The following CFTR variants were observed in gnomAD, a reference collection of about 807,000 sequenced individuals.
CFTR encodes cystic fibrosis transmembrane conductance regulator.
A neutral mutation model predicts 171.6 loss-of-function variants in CFTR; 181 were observed. That is an observed-to-expected ratio of 1.05 (90% confidence interval 0.93 to 1.19). The LOEUF (loss-of-function observed/expected upper bound fraction) is 1.19, where lower values mean the gene tolerates loss of function less well. CFTR is among the 50% of genes most tolerant of loss of function. The pLI is 0.00. For synonymous variants in CFTR, 583 were observed against 608.0 expected (o/e 0.96, Z 0.60); for missense variants, 1,968 against 1,734.7 (o/e 1.13, Z -2.39).
intron 11 of CFTR, among the ~76,000 whole-genome samples, chr7:117,570,936 A>G (rs1212507766): frequency 2.0e-5 from 3 of 152,214 alleles, no homozygotes; most frequent in Non-Finnish European, 4.4e-5. Flanking sequence ...AGCTACCATA[A>G]TCCTAAGTAA....
Position 117,611,749 on chromosome 7 carries a change from T to C in CFTR, c.3308T>C (p.Ile1103Thr), listed in dbSNP as rs1161781532. Residue 1103 changes from isoleucine (I) to threonine (T), a missense_variant, in exon 20 of 27, where the codon ATA (isoleucine) becomes ACA (threonine). Physicochemically the swap from Ile to Thr is moderately conservative, Grantham distance 89. Transcript: ENST00000003084. ...LSTLRWFQMR[I>T]EMIFVIFFIA... ...ACACTGCGCTGGTTCCAAATGAGAATAGAAATGATTTTTGTCATCTTCTTC... is the reference window on the plus strand; with the variant it reads ...ACACTGCGCTGGTTCCAAATGAGAACAGAAATGATTTTTGTCATCTTCTTC... 5 of 1,613,434 alleles carry C rather than the reference T, an allele frequency of 3.1e-6. No homozygotes were observed. Among genetic ancestry groups the C allele is most frequent in the East Asian group, 2.2e-5 (1 of 44,858 alleles).
chr7:117,574,095 G>C (rs533270392), intron 11 of CFTR, among the ~76,000 whole-genome samples: 32 of 152,062 alleles, frequency 2.1e-4, no homozygotes, highest in African/African-American at 7.2e-4. Context: ...TACTGTGAAG[G>C]CTGGAAAACC....
intron 14 of CFTR, 134 bp downstream of exon 14, chr7:117,592,791 A>G: frequency 1.4e-6 from 1 of 695,910 alleles, no homozygotes; most frequent in African/African-American, 1.9e-5. Context: ...GAAAGTATGA[A>G]GTTCATTAAT....
chr7:117,534,332 TCTC>T lies in CFTR; in HGVS notation c.549_551del (p.Leu184del). On this transcript the variant is annotated inframe_deletion, in exon 5 of 27. Coordinates refer to ENST00000003084, the MANE Select transcript of CFTR (RefSeq NM_000492.4). ...AAATAAGTATTGGACAACTTGTTAG[TCTC>T]CTTTCCAACAACCTGAACAAATTTG... 6.2e-7 allele frequency: 1 copy of T among 1,603,360 alleles called. No individual in the cohort carries two copies. The highest frequency in any genetic ancestry group is 8.5e-7 in the Non-Finnish European group (1 of 1,170,648).
At chr7:117,558,198 T>C (rs1049196245) in intron 10 of CFTR, among the ~76,000 whole-genome samples, 1 of 152,144 alleles carries the variant, frequency 6.6e-6, no homozygotes. Flanking sequence ...TGTGTGTATA[T>C]GTGTGTATTA....
intron 11 of CFTR, among the ~76,000 whole-genome samples, chr7:117,578,102 C>A (rs1354889152): frequency 6.6e-6 from 1 of 151,822 alleles, no homozygotes; most frequent in Non-Finnish European, 1.5e-5. Flanking sequence ...CATGTATATT[C>A]AATTGTATAT....
At chr7:117,542,708 C>T (rs1312498407) in intron 9 of CFTR, among the ~76,000 whole-genome samples, 1 of 152,140 alleles carries the variant, frequency 6.6e-6, no homozygotes, top group Non-Finnish European at 1.5e-5. Flanking sequence ...AATCCTGGCT[C>T]TGCCATTTAC....
At chr7:117,551,021 A>G (rs1418337756) in intron 10 of CFTR, among the ~76,000 whole-genome samples, 7 of 152,232 alleles carry the variant, frequency 4.6e-5, no homozygotes, top group South Asian at 4.1e-4. Flanking sequence ...CCCACTCAAT[A>G]CAATTTGGTA....
chr7:117,645,703 C>G (rs1792987532), intron 23 of CFTR, among the ~76,000 whole-genome samples: 1 of 152,078 alleles, frequency 6.6e-6, no homozygotes, highest in Admixed American at 6.6e-5. Context: ...CAACATTCCA[C>G]CCCCACATTC....
intron 23 of CFTR, among the ~76,000 whole-genome samples, chr7:117,652,449 C>G (rs1254073982): frequency 6.6e-6 from 1 of 152,124 alleles, no homozygotes; most frequent in African/African-American, 2.4e-5. Context: ...GGAATTTGTT[C>G]TAACAGGTTA....
chr7:117,495,730 A>G lies in CFTR; in HGVS notation c.54-8523A>G, dbSNP rs566060224. Among the ~76,000 whole-genome samples, 4 of 152,262 alleles carry G rather than the reference A, an allele frequency of 2.6e-5. No individual in the cohort carries two copies. In the East Asian group the frequency reaches 7.7e-4, roughly 29 times the overall value. On this transcript the variant is annotated intron_variant, in intron 1 of 26. Coordinates refer to ENST00000003084, the MANE Select transcript of CFTR (RefSeq NM_000492.4). ...ACCCAGCCATTGACATATTTGAAAG[A>G]CTTTAGTGTATCAAAGTCACTATAA...
intron 3 of CFTR, among the ~76,000 whole-genome samples, 193 bp downstream of exon 3, chr7:117,509,335 C>T (rs1415713687): frequency 2.0e-5 from 3 of 152,120 alleles, no homozygotes; most frequent in South Asian, 4.1e-4. Flanking sequence ...TCCTGGAACA[C>T]GGGTGGCAAT....
chr7:117,609,442 G>GT (rs1044730529), intron 18 of CFTR, among the ~76,000 whole-genome samples: 2 of 151,848 alleles, frequency 1.3e-5, no homozygotes, highest in Non-Finnish European at 2.9e-5. Context: ...TTATAAAGTG[G>GT]TTTTTTTTAA....
intron 15 of CFTR, among the ~76,000 whole-genome samples, chr7:117,599,434 C>T (rs1351084856): frequency 2.6e-5 from 4 of 151,970 alleles, no homozygotes; most frequent in South Asian, 2.1e-4. Flanking sequence ...CTCACTAAAC[C>T]AAGAAAACAG....
chr7:117,613,704 A>G (rs989714468), intron 20 of CFTR, among the ~76,000 whole-genome samples: 2 of 152,138 alleles, frequency 1.3e-5, no homozygotes, highest in African/African-American at 2.4e-5. Context: ...TATGCTGTGT[A>G]TATTATGCCT....
At chr7:117,501,789 AAAAC>A (rs1798336367) in intron 1 of CFTR, among the ~76,000 whole-genome samples, 1 of 151,160 alleles carries the variant, frequency 6.6e-6, no homozygotes, top group Non-Finnish European at 1.5e-5. Flanking sequence ...AAAAAAAAAA[AAAAC>A]AAAAAGCAAA....
At chr7:117,639,180 T>C (rs1330210175) in intron 22 of CFTR, among the ~76,000 whole-genome samples, 1 of 152,240 alleles carries the variant, frequency 6.6e-6, no homozygotes, top group African/African-American at 2.4e-5. Context: ...GAAAAAGATG[T>C]GGTATTACTT....
intron 3 of CFTR, among the ~76,000 whole-genome samples, chr7:117,525,233 T>C (rs939433546): frequency 2.6e-5 from 4 of 152,334 alleles, no homozygotes; most frequent in African/African-American, 9.6e-5. Flanking sequence ...AAAGTTTGAA[T>C]GTGGTCTGAG....
At chr7:117,525,567 T>A (rs568915209) in intron 3 of CFTR, among the ~76,000 whole-genome samples, 1 of 84,710 alleles carries the variant, frequency 1.2e-5, no homozygotes, top group Non-Finnish European at 2.3e-5. Context: ...TGGGTGCTCC[T>A]GTATTGGGTG....
Sources: allele counts gnomAD v4.1 joint callset (sites outside exome capture counted in the v4.1 genomes callset), GRCh38; gene constraint gnomAD v4.1.1; transcripts MANE v1.5; gene names NCBI Gene and HGNC (gene_info 2026-07-23, HGNC 2026-07-21).